BCL2L13: variants seen among roughly 807,000 people sequenced by gnomAD.
The protein encoded by BCL2L13 is BCL2 like 13, also known as bcl-2-like protein 13.
In BCL2L13, 13 loss-of-function variants were observed where a neutral mutation model predicts 25.8. That is an observed-to-expected ratio of 0.50 (90% CI 0.33 to 0.80). The LOEUF (loss-of-function observed/expected upper bound fraction) is 0.80, where lower values mean the gene tolerates loss of function less well. Ranked by LOEUF, BCL2L13 falls within the 30% of genes least tolerant of loss-of-function variation. The pLI, the probability that BCL2L13 is intolerant of heterozygous loss-of-function variation, is 0.02. For missense variants in BCL2L13, 504 were observed against 574.9 expected (o/e 0.88, Z 1.26); for synonymous variants, 244 against 230.3 (o/e 1.06, Z -0.54).
At chr22:17,633,420 T>C (rs1036058145) in intron 1 of BCL2L13, among the ~76,000 whole-genome samples, 25 of 152,326 alleles carry the variant, frequency 1.6e-4, no homozygotes, top group African/African-American at 5.3e-4. Context: ...AATTTTCTCC[T>C]ACATTCTTAG....
At chr22:17,664,272 A>T (rs1245538773) in intron 2 of BCL2L13, among the ~76,000 whole-genome samples, 1 of 152,336 alleles carries the variant, frequency 6.6e-6, no homozygotes, top group South Asian at 2.1e-4. Flanking sequence ...GGTGTGAGCC[A>T]CCGTGCCCAG....
In BCL2L13 at chr22:17,661,636, G is replaced by A. The variant is rs555432509; in HGVS notation, c.121+5804G>A. ...ACAAGTAAAAATGTACTGTGTACAC[G>A]TAAATAAATAGAAATCCATCTGTCC... is the stretch of plus-strand genomic sequence containing the variant. On this transcript the variant is annotated intron_variant, in intron 2 of 6. Coordinates refer to ENST00000317582, the MANE Select transcript of BCL2L13 (RefSeq NM_015367.4). Among the ~76,000 whole-genome samples the A allele has an allele frequency of 4.1e-5, 6 of 145,608 alleles. 1 individual carries two copies. The highest frequency in any genetic ancestry group is 7.3e-5 in the African/African-American group (3 of 41,004).
intron 2 of BCL2L13, among the ~76,000 whole-genome samples, chr22:17,657,659 G>A (rs1268265252): frequency 2.7e-5 from 4 of 150,702 alleles, no homozygotes; most frequent in South Asian, 4.2e-4. Context: ...CTAGAGGCAC[G>A]TGCCACCATG....
chr22:17,703,160 A>G (rs545159168), intron 6 of BCL2L13: 2 of 134,422 alleles, frequency 1.5e-5, no homozygotes, highest in Admixed American at 6.9e-5. Context: ...CAACAACAAC[A>G]AAATATATAT....
At chr22:17,683,369 A>T in intron 3 of BCL2L13, 48 bp downstream of exon 3, 1 of 1,122,880 alleles carries the variant, frequency 8.9e-7, no homozygotes, top group Non-Finnish European at 1.3e-6. Flanking sequence ...TGTGTTTGTT[A>T]TGGTTTACTG....
chr22:17,639,813 T>C (rs2058204814), intron 1 of BCL2L13, among the ~76,000 whole-genome samples: 1 of 152,110 alleles, frequency 6.6e-6, no homozygotes, highest in South Asian at 2.1e-4. Flanking sequence ...CCCTGACTAG[T>C]GTGACCTTGG....
At chr22:17,646,194 G>A (rs5747306) in intron 1 of BCL2L13, among the ~76,000 whole-genome samples, 129,399 of 151,294 alleles carry the variant, frequency 0.86, 55,683 homozygotes, top group East Asian at 0.94. Context: ...AAAGAAACAG[G>A]TGGGTTACAT....
intron 6 of BCL2L13, among the ~76,000 whole-genome samples, chr22:17,720,231 C>T (rs1262869155): frequency 1.4e-5 from 2 of 146,224 alleles, no homozygotes; most frequent in South Asian, 2.1e-4. Context: ...TGCAGTGGCA[C>T]GATCATGGCT....
chr22:17,701,355 G>A lies in BCL2L13; in HGVS notation c.457-888G>A, dbSNP rs2060428286. 2.6e-5 allele frequency among the ~76,000 whole-genome samples: 4 copies of A among 152,312 alleles called. No individual in the cohort carries two copies. The South Asian group carries it at 8.3e-4, about 32-fold the overall frequency. On this transcript the variant is annotated intron_variant, in intron 5 of 6. Transcript: ENST00000317582. ...AAGTTTTCTCTCATCCTTGTTGCCA[G>A]TCACCTAGTTCCCTTCCTTTTAGGC...
chr22:17,658,785 A>G (rs5992780), intron 2 of BCL2L13, among the ~76,000 whole-genome samples: 50,373 of 150,428 alleles, frequency 0.33, 9,151 homozygotes, highest in African/African-American at 0.43. Flanking sequence ...TGGGCCAGGC[A>G]CGGTGGCTCA....
intron 3 of BCL2L13, among the ~76,000 whole-genome samples, chr22:17,685,760 C>CTTCTTTTT (rs2059911554): frequency 1.7e-5 from 1 of 60,522 alleles, no homozygotes; most frequent in Non-Finnish European, 3.0e-5. Context: ...TTTTCTTTTT[C>CTTCTTTTT]TTTTTTTTTT....
intron 1 of BCL2L13, among the ~76,000 whole-genome samples, chr22:17,642,597 A>ATT (rs58376155): frequency 0.016 from 2,247 of 143,694 alleles, 57 homozygotes; most frequent in African/African-American, 0.054. Flanking sequence ...GTTGATGGGC[A>ATT]TTTTTTTTTT....
chr22:17,629,818 TACACACACACACACAC>T (rs3044578), intron 1 of BCL2L13, among the ~76,000 whole-genome samples: 1 of 148,074 alleles, frequency 6.8e-6, no homozygotes, highest in Non-Finnish European at 1.5e-5. Context: ...TTTATTTTCA[TACACACACACACACAC>T]ACACACACAC....
chr22:17,692,688 G>A (rs1337626563), intron 4 of BCL2L13, among the ~76,000 whole-genome samples: 1 of 152,124 alleles, frequency 6.6e-6, no homozygotes, highest in African/African-American at 2.4e-5. Context: ...GTATTGATTT[G>A]ATACAGACTT....
intron 6 of BCL2L13, 144 bp downstream of exon 6, chr22:17,702,530 A>G: frequency 1.3e-6 from 1 of 761,094 alleles, no homozygotes; most frequent in South Asian, 2.6e-5. Context: ...TTCGGTCTCA[A>G]ACTCCTGGGC....
At chr22:17,699,727 T>C (rs1051708841) in intron 5 of BCL2L13, among the ~76,000 whole-genome samples, 1 of 152,160 alleles carries the variant, frequency 6.6e-6, no homozygotes, top group Non-Finnish European at 1.5e-5. Context: ...GGATCTAGTT[T>C]TGTTTTAACA....
chr22:17,669,266 T>TTA (rs2059342399), intron 2 of BCL2L13, among the ~76,000 whole-genome samples: 1 of 152,088 alleles, frequency 6.6e-6, no homozygotes, highest in Non-Finnish European at 1.5e-5. Context: ...TCTCCTGACC[T>TTA]CGTGATCTGC....
At chr22:17,650,005 G>C (rs1379808559) in intron 1 of BCL2L13, among the ~76,000 whole-genome samples, 1 of 150,996 alleles carries the variant, frequency 6.6e-6, no homozygotes, top group East Asian at 1.9e-4. Context: ...TGAGTAGCTG[G>C]GATTACAGGC....
chr22:17,721,601 T>C (rs755553235), intron 6 of BCL2L13, among the ~76,000 whole-genome samples: 3 of 151,616 alleles, frequency 2.0e-5, no homozygotes, highest in Admixed American at 6.6e-5. Flanking sequence ...CTCAGCTTAC[T>C]GCAACCTCTG....
Sources: allele counts gnomAD v4.1 joint callset (sites outside exome capture counted in the v4.1 genomes callset), GRCh38; gene constraint gnomAD v4.1.1; transcripts MANE v1.5; gene names NCBI Gene and HGNC (gene_info 2026-07-23, HGNC 2026-07-21).